ARSG: variants seen among roughly 807,000 people sequenced by gnomAD.
ARSG encodes arylsulfatase G, also known as ASG.
A neutral mutation model predicts 50.5 loss-of-function variants in ARSG; 37 were observed. That is an observed-to-expected ratio of 0.73 (90% CI 0.56 to 0.96). ARSG has a LOEUF of 0.96. Ranked by LOEUF, ARSG falls within the 50% of genes least tolerant of loss-of-function variation. The pLI is 0.00. For synonymous variants in ARSG, 225 were observed against 254.6 expected, an observed-to-expected ratio of 0.88 and a Z score of 1.11; for missense variants, 629 against 675.3, an observed-to-expected ratio of 0.93 and a Z score of 0.76.
chr17:68,353,426 G>T (rs971178175), intron 5 of ARSG, among the ~76,000 whole-genome samples: 7 of 152,046 alleles, frequency 4.6e-5, no homozygotes, highest in African/African-American at 1.7e-4. Flanking sequence ...CTACCCCCAG[G>T]TCTGCTTTTT....
In ARSG at chr17:68,329,406, G is replaced by A. The variant is rs750430309; in HGVS notation, c.219-14198G>A. Among the ~76,000 whole-genome samples the A allele has an allele frequency of 3.3e-5, 5 of 152,214 alleles. No homozygotes were observed. In the South Asian group the frequency reaches 1.0e-3, roughly 32 times the overall value. ...GTGCCCCTTTCCAAGGACCTCCACT[G>A]AGGCTGGCAGTGGAGGGCTGTCTCC... On this transcript the variant is annotated intron_variant, in intron 2 of 11. Transcript: ENST00000621439.
chr17:68,324,465 C>T (rs1282130192), intron 2 of ARSG, among the ~76,000 whole-genome samples: 1 of 152,192 alleles, frequency 6.6e-6, no homozygotes, highest in Admixed American at 6.5e-5. Context: ...TGCGGACCGG[C>T]CCAGCTCCAG....
intron 2 of ARSG, among the ~76,000 whole-genome samples, chr17:68,335,553 CA>C (rs397856679): frequency 0.15 from 13,847 of 89,680 alleles, 722 homozygotes; most frequent in East Asian, 0.27. Context: ...GACTCCATCT[CA>C]AAAAAAAAAA....
chr17:68,445,002 C>A, the ARSG span, among the ~76,000 whole-genome samples: 3 of 149,964 alleles, frequency 2.0e-5, no homozygotes, highest in Non-Finnish European at 4.4e-5. Context: ...CTCACTGCAA[C>A]CTCTGCCTCC....
intron 1 of ARSG, among the ~76,000 whole-genome samples, chr17:68,275,032 G>A (rs1168427180): frequency 6.6e-6 from 1 of 152,104 alleles, no homozygotes; most frequent in Non-Finnish European, 1.5e-5. Context: ...CGCCCACCTC[G>A]GCCTCCCAAA....
chr17:68,401,887 G>T (rs1410087676), intron 11 of ARSG, among the ~76,000 whole-genome samples: 1 of 152,192 alleles, frequency 6.6e-6, no homozygotes, highest in Non-Finnish European at 1.5e-5. Flanking sequence ...GGTTCACTGT[G>T]ACTATCTGTC....
chr17:68,384,073 G>A (rs1038660115), intron 8 of ARSG, among the ~76,000 whole-genome samples: 4 of 152,106 alleles, frequency 2.6e-5, no homozygotes, highest in Non-Finnish European at 4.4e-5. Context: ...TCCTCCCCAC[G>A]CTTCTCCCCA....
chr17:68,441,973 G>A, the ARSG span, among the ~76,000 whole-genome samples: 1 of 152,132 alleles, frequency 6.6e-6, no homozygotes, highest in African/African-American at 2.4e-5. Context: ...TGAGACAGAG[G>A]AAGTCTCTGC....
Position 68,271,409 on chromosome 17 carries a change from C to T in ARSG, c.-552+11983C>T. The T allele has an allele frequency of 6.2e-7, 1 of 1,614,214 alleles. No individual in the cohort carries two copies. Among genetic ancestry groups the T allele is most frequent in the Non-Finnish European group, 8.5e-7 (1 of 1,180,042 alleles). On this transcript the variant is annotated intron_variant, in intron 1 of 11. Transcript: ENST00000448504. This position sits in a 1 kb window ranked among gnomAD's most constrained non-coding sequence, Gnocchi z 5.3. The stretch of plus-strand genomic sequence containing the variant: ...AGTTCCAGGTTAGTGTGAGTAGGCA[C>T]ATTTTTAGGTGAGGTAGTTAGTTCT...
chr17:68,315,398 C>T (rs574220642), intron 2 of ARSG, among the ~76,000 whole-genome samples: 1 of 151,954 alleles, frequency 6.6e-6, no homozygotes, highest in Non-Finnish European at 1.5e-5. Context: ...AATAAATTAG[C>T]TGGGCGTGGT....
chr17:68,342,476 C>T (rs906610504), intron 2 of ARSG, among the ~76,000 whole-genome samples: 1 of 151,504 alleles, frequency 6.6e-6, no homozygotes, highest in African/African-American at 2.4e-5. Context: ...GCCTTGGCCT[C>T]CCAAGTAGCT....
chr17:68,285,962 T>C lies in ARSG; in HGVS notation c.-551-20981T>C, dbSNP rs183972653. Among the ~76,000 whole-genome samples the C allele has an allele frequency of 2.0e-3, 302 of 152,272 alleles. 5 individuals are homozygous for C. Among genetic ancestry groups the C allele is most frequent in the Middle Eastern group, 0.017 (5 of 294 alleles). On this transcript the variant is annotated intron_variant, in intron 1 of 11. Coordinates refer to the ARSG transcript ENST00000448504. The stretch of plus-strand genomic sequence containing the variant: ...TTTTAGTAGAGACAGGGTTTCACCA[T>C]GTTGGCCAGGCCGGTCTGGAACTCC...
intron 6 of ARSG, among the ~76,000 whole-genome samples, chr17:68,365,996 G>A (rs1006099864): frequency 6.6e-6 from 1 of 151,934 alleles, no homozygotes; most frequent in African/African-American, 2.4e-5. Flanking sequence ...GGAGTGCAGT[G>A]CACAATCTTG....
chr17:68,410,550 T>C (rs2081953543), intron 11 of ARSG, among the ~76,000 whole-genome samples: 1 of 151,848 alleles, frequency 6.6e-6, no homozygotes. Flanking sequence ...GATTTTTGCA[T>C]CAATGTTCAT....
At chr17:68,322,045 A>G (rs145891339) in intron 2 of ARSG, among the ~76,000 whole-genome samples, 3 of 152,346 alleles carry the variant, frequency 2.0e-5, no homozygotes, top group Admixed American at 6.5e-5. Flanking sequence ...AATTGCAAAT[A>G]AAGGAAACGA....
intron 11 of ARSG, among the ~76,000 whole-genome samples, chr17:68,415,114 A>T (rs1884217077): frequency 6.6e-6 from 1 of 152,040 alleles, no homozygotes; most frequent in Admixed American, 6.6e-5. Context: ...GTATGACCTT[A>T]GAATGTCAGT....
At chr17:68,446,175 C>T in the ARSG span, among the ~76,000 whole-genome samples, 2 of 152,044 alleles carry the variant, frequency 1.3e-5, no homozygotes, top group African/African-American at 4.8e-5. Context: ...AAAATTTAAA[C>T]ACATTTCTCA....
At chr17:68,343,042 T>A (rs1339600214) in intron 2 of ARSG, among the ~76,000 whole-genome samples, 1 of 152,222 alleles carries the variant, frequency 6.6e-6, no homozygotes, top group Non-Finnish European at 1.5e-5. Flanking sequence ...TAAATAAGAT[T>A]GAATTTGTTG....
upstream of ARSG, among the ~76,000 whole-genome samples, chr17:68,289,883 A>G (rs2075929488): frequency 6.6e-6 from 1 of 152,164 alleles, no homozygotes; most frequent in Admixed American, 6.6e-5. Flanking sequence ...GTTTATTTAC[A>G]CACTGTAAGT....
Sources: gnomAD v4.1 joint callset for allele counts (sites outside exome capture counted in the v4.1 genomes callset) on GRCh38, gnomAD v4.1.1 for gene constraint, Gnocchi (gnomAD v3.1) non-coding constraint, MANE v1.5 for transcripts, NCBI Gene and HGNC (gene_info 2026-07-23, HGNC 2026-07-21) for gene names.